PIP5K1B: variants seen among roughly 807,000 people sequenced by gnomAD.
PIP5K1B encodes phosphatidylinositol-4-phosphate 5-kinase type 1 beta, also known as phosphatidylinositol 4-phosphate 5-kinase type-1 beta.
In PIP5K1B, 42 loss-of-function variants were observed where a neutral mutation model predicts 67.0. The ratio of observed to expected loss-of-function variants is 0.63; its 90% CI spans 0.49 to 0.81. PIP5K1B has a LOEUF of 0.81. PIP5K1B is among the 30% of genes least tolerant of loss of function. PIP5K1B has a pLI of 0.00. For synonymous variants in PIP5K1B, 214 were observed against 231.4 expected (o/e 0.92, Z 0.68); for missense variants, 459 against 646.3 (o/e 0.71, Z 3.14).
intron 14 of PIP5K1B, among the ~76,000 whole-genome samples, chr9:68,956,683 C>G (rs1828410020): frequency 6.6e-6 from 1 of 152,224 alleles, no homozygotes; most frequent in African/African-American, 2.4e-5. Flanking sequence ...AATCTCATCA[C>G]TTTCCATTGA....
chr9:68,920,616 C>T (rs538157191), intron 11 of PIP5K1B, among the ~76,000 whole-genome samples: 1 of 151,948 alleles, frequency 6.6e-6, no homozygotes, highest in Non-Finnish European at 1.5e-5. Context: ...GATCCACCTG[C>T]CTTGGCCTCC....
chr9:68,880,154 T>C (rs1031987292), intron 6 of PIP5K1B, among the ~76,000 whole-genome samples: 1 of 152,186 alleles, frequency 6.6e-6, no homozygotes, highest in Non-Finnish European at 1.5e-5. Flanking sequence ...GAGTTGATCA[T>C]TGATTGATCA....
In PIP5K1B at chr9:68,893,005, G is replaced by A. The variant is rs560394777; in HGVS notation, c.472-1334G>A. Among the ~76,000 whole-genome samples the A allele has an allele frequency of 3.9e-5, 6 of 152,074 alleles. No homozygotes were observed. The East Asian group carries it at 7.8e-4, about 20-fold the overall frequency. On this transcript the variant is annotated intron_variant, in intron 7 of 15. Coordinates refer to ENST00000265382, the MANE Select transcript of PIP5K1B (RefSeq NM_003558.4). ...GGGGAATCACTTGAACCTGGGAGGC[G>A]GAGGTTGCAGTGAGCCAAGATCATG...
intron 2 of PIP5K1B, among the ~76,000 whole-genome samples, chr9:68,816,621 A>G (rs1045637361): frequency 3.3e-5 from 5 of 152,242 alleles, no homozygotes; most frequent in Non-Finnish European, 7.3e-5. Context: ...TAGATGCCAT[A>G]ACTAAATCAA....
chr9:68,785,602 T>C (rs1831566514), intron 2 of PIP5K1B, among the ~76,000 whole-genome samples: 1 of 152,222 alleles, frequency 6.6e-6, no homozygotes, highest in Non-Finnish European at 1.5e-5. Flanking sequence ...TCAATGCATT[T>C]AATCTATCAC....
intron 5 of PIP5K1B, among the ~76,000 whole-genome samples, chr9:68,866,519 G>T (rs1691412926): frequency 6.6e-6 from 1 of 151,970 alleles, no homozygotes; most frequent in African/African-American, 2.4e-5. Context: ...ATTTAAAATA[G>T]ATGCATGAAA....
At chr9:68,742,767 T>C (rs975236583) in intron 2 of PIP5K1B, 110 bp downstream of exon 2, 2 of 152,192 alleles carry the variant, frequency 1.3e-5, no homozygotes, top group African/African-American at 4.8e-5. Flanking sequence ...TGTTTCTGAG[T>C]GGTGTGAATG....
rs375396083 is a variant in PIP5K1B at position 68,783,976 on chromosome 9, C to G, written c.-85-34485C>G. ...GAATTTGGTCCTTCCCTCCTCCCCCCTCGTTTTCTGTGCTTCGCCCTCACT... is the reference window on the plus strand; with the variant it reads ...GAATTTGGTCCTTCCCTCCTCCCCCGTCGTTTTCTGTGCTTCGCCCTCACT... On this transcript the variant is annotated intron_variant, in intron 2 of 15. Coordinates refer to ENST00000265382, the MANE Select transcript of PIP5K1B (RefSeq NM_003558.4). 1.1e-4 allele frequency: 18 copies of G among 167,302 alleles called. No individual in the cohort carries two copies. In the East Asian group the frequency reaches 2.5e-3, roughly 23 times the overall value. The allele number at this position is 167,302 out of a possible 1,614,324, so 10.4% of individuals were successfully genotyped here.
chr9:68,928,261 A>G (rs77267245), intron 12 of PIP5K1B, among the ~76,000 whole-genome samples: 2,768 of 152,182 alleles, frequency 0.018, 93 homozygotes, highest in African/African-American at 0.063. Flanking sequence ...ACTCTTTTTC[A>G]TACTGTTTTG....
At chr9:68,963,205 C>T in intron 14 of PIP5K1B, 1 of 456,214 alleles carries the variant, frequency 2.2e-6, no homozygotes, top group South Asian at 1.5e-5. Flanking sequence ...AACATCAGAG[C>T]ATTAAACTAA....
intron 14 of PIP5K1B, among the ~76,000 whole-genome samples, chr9:68,988,444 G>GT (rs61373302): frequency 0.11 from 11,689 of 108,096 alleles, 715 homozygotes; most frequent in East Asian, 0.21. Flanking sequence ...TTTTTTTGGG[G>GT]TTTTTTTTTT....
At chr9:68,792,080 A>T (rs1379566093) in intron 2 of PIP5K1B, among the ~76,000 whole-genome samples, 3 of 152,172 alleles carry the variant, frequency 2.0e-5, no homozygotes, top group Non-Finnish European at 4.4e-5. Context: ...TGCCTCTACA[A>T]CCACGGTCAG....
At chr9:68,771,843 T>C (rs1367695960) in intron 2 of PIP5K1B, among the ~76,000 whole-genome samples, 1 of 152,218 alleles carries the variant, frequency 6.6e-6, no homozygotes, top group Non-Finnish European at 1.5e-5. Context: ...CTGTGGATGA[T>C]AAAAATTCAT....
intron 2 of PIP5K1B, among the ~76,000 whole-genome samples, chr9:68,776,589 G>A (rs1044394965): frequency 6.6e-6 from 1 of 152,118 alleles, no homozygotes; most frequent in East Asian, 1.9e-4. Flanking sequence ...GATTACAGGC[G>A]TGAGCCACCA....
At chr9:68,927,368 G>A (rs1826763197) in intron 12 of PIP5K1B, among the ~76,000 whole-genome samples, 1 of 152,146 alleles carries the variant, frequency 6.6e-6, no homozygotes, top group Non-Finnish European at 1.5e-5. Flanking sequence ...AAGCAGCTGT[G>A]TCATTTTACA....
At chr9:69,004,337 T>TGTG (rs1564311765) in intron 15 of PIP5K1B, among the ~76,000 whole-genome samples, 21,343 of 148,228 alleles carry the variant, frequency 0.14, 1,691 homozygotes, top group Middle Eastern at 0.19. Context: ...GTGTGTGTTT[T>TGTG]TGTGTGTGTG....
At chr9:68,868,147 G>A (rs1383536219) in intron 5 of PIP5K1B, among the ~76,000 whole-genome samples, 1 of 152,104 alleles carries the variant, frequency 6.6e-6, no homozygotes, top group East Asian at 1.9e-4. Context: ...TCTCAAAGTA[G>A]ATAAGTAAGA....
rs534699470 is a variant in PIP5K1B at position 68,913,978 on chromosome 9, A to G, written c.772-3570A>G. On this transcript the variant is annotated intron_variant, in intron 8 of 15. Transcript: ENST00000265382. ...CTTTGTCTCACCTGTAAAATTGCAC[A>G]GTTCTCTTAGGCCTGTTCATGGGCC... 3.9e-5 allele frequency among the ~76,000 whole-genome samples: 6 copies of G among 152,266 alleles called. No individual in the cohort carries two copies. In the East Asian group the frequency reaches 7.7e-4, roughly 20 times the overall value.
intron 5 of PIP5K1B, among the ~76,000 whole-genome samples, chr9:68,865,030 C>A (rs887184334): frequency 6.6e-6 from 1 of 152,134 alleles, no homozygotes; most frequent in Non-Finnish European, 1.5e-5. Context: ...CATGCAGTAA[C>A]CCCCACATAG....
Sources: allele counts gnomAD v4.1 joint callset (sites outside exome capture counted in the v4.1 genomes callset), GRCh38; gene constraint gnomAD v4.1.1; transcripts MANE v1.5; gene names NCBI Gene and HGNC (gene_info 2026-07-23, HGNC 2026-07-21).